Variants in OR51E1 observed in about 807,000 individuals in gnomAD.
OR51E1 encodes the protein olfactory receptor family 51 subfamily E member 1.
OR51E1 carries 9 observed loss-of-function variants against 11.5 expected under a neutral mutation model. The ratio of observed to expected loss-of-function variants is 0.78; its 90% confidence interval spans 0.47 to 1.37. The LOEUF (loss-of-function observed/expected upper bound fraction) is 1.37, where lower values mean the gene tolerates loss of function less well. Among genes scored for constraint, OR51E1 ranks in the 40% most tolerant of loss-of-function variants. The probability of loss-of-function intolerance (pLI) is 0.00; values close to 1 mark genes in which losing one functional copy is unlikely to be tolerated. For missense variants in OR51E1, 397 were observed against 410.2 expected, an observed-to-expected ratio of 0.97 and a Z score of 0.28; for synonymous variants, 168 against 158.3, an observed-to-expected ratio of 1.06 and a Z score of -0.46.
chr11:4,648,429 C>A (rs570207687), intron 1 of OR51E1, among the ~76,000 whole-genome samples: 3 of 152,260 alleles, frequency 2.0e-5, no homozygotes, highest in Non-Finnish European at 4.4e-5. Flanking sequence ...ATGTGTACTC[C>A]GATTTGGTTT....
intron 1 of OR51E1, among the ~76,000 whole-genome samples, chr11:4,652,172 A>G (rs1847106298): frequency 6.6e-6 from 1 of 152,202 alleles, no homozygotes; most frequent in Non-Finnish European, 1.5e-5. Context: ...TTTATCACCT[A>G]AGATTCTTTT....
chr11:4,648,566 T>C (rs1847056433), intron 1 of OR51E1, among the ~76,000 whole-genome samples: 1 of 152,210 alleles, frequency 6.6e-6, no homozygotes, highest in South Asian at 2.1e-4. Context: ...GCTCACCACA[T>C]CACTCTACCT....
At chr11:4,646,978 T>C (rs1847037966) in intron 1 of OR51E1, among the ~76,000 whole-genome samples, 2 of 152,140 alleles carry the variant, frequency 1.3e-5, no homozygotes, top group African/African-American at 2.4e-5. Flanking sequence ...ATAGAAAGGA[T>C]CCATAGTATT....
intron 1 of OR51E1, among the ~76,000 whole-genome samples, chr11:4,645,189 T>C (rs1847013871): frequency 6.6e-6 from 1 of 152,224 alleles, no homozygotes. Flanking sequence ...CCTCGTGTTA[T>C]ATGAGCTCCA....
intron 1 of OR51E1, among the ~76,000 whole-genome samples, 174 bp downstream of exon 1, chr11:4,644,204 G>A (rs1847000302): frequency 2.5e-5 from 1 of 40,634 alleles, no homozygotes; most frequent in Non-Finnish European, 8.6e-5. Context: ...CTAGGTTTGT[G>A]TGCTGAACAG....
intron 1 of OR51E1, among the ~76,000 whole-genome samples, chr11:4,647,339 A>C (rs542854412): frequency 6.6e-6 from 1 of 152,294 alleles, no homozygotes; most frequent in Admixed American, 6.5e-5. Context: ...CTAAGTTCTA[A>C]TTACTAACAG....
At position 4,652,703 on chromosome 11, in the gene OR51E1, T is replaced by G; in HGVS notation, c.177T>G (p.His59Gln). ...IYIVRTEHSL[H>Q]EPMYIFLCML... ...TTGTGCGGACTGAGCACAGCCTGCA[T>G]GAGCCCATGTATATATTTCTTTGCA... is the stretch of plus-strand genomic sequence containing the variant. The change falls in exon 2 of 2, where the codon CAT (histidine) becomes CAG (glutamine). Residue 59 changes from histidine to glutamine, a missense_variant. Transcript: ENST00000396952. 31 of 1,613,368 alleles carry G rather than the reference T, an allele frequency of 1.9e-5. No homozygotes were observed. The highest frequency in any genetic ancestry group is 4.0e-5 in the African/African-American group (3 of 75,036).
intron 1 of OR51E1, among the ~76,000 whole-genome samples, chr11:4,644,552 C>T (rs935071852): frequency 2.6e-5 from 4 of 152,002 alleles, no homozygotes; most frequent in African/African-American, 7.3e-5. Flanking sequence ...CTTCCTGGGG[C>T]TCCGATCTCA....
At chr11:4,649,210 A>G (rs1847064903) in intron 1 of OR51E1, among the ~76,000 whole-genome samples, 2 of 152,236 alleles carry the variant, frequency 1.3e-5, no homozygotes, top group Admixed American at 1.3e-4. Flanking sequence ...AAGAGGGTAA[A>G]TACTTTAAAA....
At position 4,655,464 on chromosome 11, in the gene OR51E1, T is replaced by C. The variant is rs972818372; in HGVS notation, c.*1981T>C. 6.1e-6 allele frequency: 1 copy of C among 164,268 alleles called. No individual in the cohort carries two copies. Among genetic ancestry groups the C allele is most frequent in the Non-Finnish European group, 1.5e-5 (1 of 68,098 alleles). 10.2% of individuals were successfully genotyped at this position (164,268 alleles called of 1,614,324 possible). A position where few individuals can be genotyped will look rare whatever the true frequency, so the allele number is the denominator to read the frequency against. The stretch of plus-strand genomic sequence containing the variant: ...GCAGTTGGATAAGTGAAAAATAAAG[T>C]ACTATTGTGTCAAGTCTCTGAAAAT... On this transcript the variant is annotated 3_prime_UTR_variant, in exon 2 of 2. Coordinates refer to ENST00000396952, the MANE Select transcript of OR51E1 (RefSeq NM_152430.4).
intron 1 of OR51E1, among the ~76,000 whole-genome samples, chr11:4,651,078 C>T (rs1847091028): frequency 6.6e-6 from 1 of 152,140 alleles, no homozygotes; most frequent in Non-Finnish European, 1.5e-5. Context: ...TCACTCTTAA[C>T]AGACACATAC....
At chr11:4,647,204 G>A (rs1272348157) in intron 1 of OR51E1, among the ~76,000 whole-genome samples, 2 of 152,174 alleles carry the variant, frequency 1.3e-5, no homozygotes, top group African/African-American at 4.8e-5. Flanking sequence ...TTTTGTAGGT[G>A]CTCAATAATC....
At chr11:4,646,621 T>C (rs985543842) in intron 1 of OR51E1, among the ~76,000 whole-genome samples, 8 of 152,132 alleles carry the variant, frequency 5.3e-5, no homozygotes, top group African/African-American at 1.7e-4. Context: ...TTAATCTCCA[T>C]TGTGGGGCCT....
In OR51E1 at chr11:4,652,568, C is replaced by G. The variant is rs1435212997; in HGVS notation, c.42C>G (p.Tyr14Ter). The change falls in exon 2 of 2, where the codon TAC becomes TAG. Residue 14 changes from tyrosine (Y) to a stop codon, truncating the protein, a stop_gained. Coordinates refer to ENST00000396952, the MANE Select transcript of OR51E1 (RefSeq NM_152430.4). LOFTEE classifies it high-confidence loss of function. ...ATGGCAATGAATCCAGTGCTACATACTTCATCCTAATAGGCCTCCCTGGTT... is the reference window on the plus strand; with the variant it reads ...ATGGCAATGAATCCAGTGCTACATAGTTCATCCTAATAGGCCTCCCTGGTT... Reference protein sequence around the residue: ...DPNGNESSATYFILIGLPGLE... With the variant: ...DPNGNESSAT 3.1e-6 allele frequency: 5 copies of G among 1,614,058 alleles called. No homozygotes were observed. The highest frequency in any genetic ancestry group is 4.2e-6 in the Non-Finnish European group (5 of 1,179,946).
intron 1 of OR51E1, among the ~76,000 whole-genome samples, chr11:4,650,521 G>C (rs535560506): frequency 1.2e-3 from 177 of 152,252 alleles, no homozygotes; most frequent in African/African-American, 3.7e-3. Context: ...CTCACCCTCT[G>C]TTCTACTATT....
chr11:4,645,130 G>A (rs562414896), intron 1 of OR51E1, among the ~76,000 whole-genome samples: 24 of 143,082 alleles, frequency 1.7e-4, no homozygotes, highest in East Asian at 6.0e-4. Flanking sequence ...TCTTTCTTTC[G>A]TGCCCTTATC....
rs80230217 is a variant in OR51E1, at chr11:4,651,001, C to T, written c.-39-1487C>T. On this transcript the variant is annotated intron_variant, in intron 1 of 1. Coordinates refer to ENST00000396952, the MANE Select transcript of OR51E1 (RefSeq NM_152430.4). Reference sequence around the variant, plus strand: ...TTTCAAGCATTGAAGATAAGGGCTACCCTATAGTAGGAGCACATGAATATT... The same window carrying T: ...TTTCAAGCATTGAAGATAAGGGCTATCCTATAGTAGGAGCACATGAATATT... Among the ~76,000 whole-genome samples, 107 of 151,782 alleles carry T rather than the reference C, an allele frequency of 7.0e-4. 2 individuals are homozygous for T. In the East Asian group the frequency reaches 0.019, roughly 27 times the overall value.
chr11:4,652,939 T>C lies in OR51E1; in HGVS notation c.413T>C (p.Val138Ala). 6.2e-7 allele frequency: 1 copy of C among 1,608,512 alleles called. No homozygotes were observed. Among genetic ancestry groups the C allele is most frequent in the South Asian group, 1.1e-5 (1 of 89,836 alleles). The change falls in exon 2 of 2, where the codon GTA (valine) becomes GCA (alanine). Residue 138 changes from valine to alanine, a missense_variant. Physicochemically the swap from Val to Ala is moderately conservative, Grantham distance 64. Coordinates refer to ENST00000396952, the MANE Select transcript of OR51E1 (RefSeq NM_152430.4). Reference protein sequence around the residue: ...AICHPLRHATVLTLPRVTKIG... With the variant: ...AICHPLRHATALTLPRVTKIG... ...TGTCACCCACTGCGCCATGCCACAG[T>C]ACTTACGTTGCCTCGTGTCACCAAA...
intron 1 of OR51E1, among the ~76,000 whole-genome samples, chr11:4,647,700 C>T (rs1505198): frequency 0.072 from 11,004 of 152,068 alleles, 953 homozygotes; most frequent in East Asian, 0.23. Flanking sequence ...GCTCCTGTTC[C>T]CCTATTCCTG....
Sources: allele counts gnomAD v4.1 joint callset (sites outside exome capture counted in the v4.1 genomes callset), GRCh38; gene constraint gnomAD v4.1.1; transcripts MANE v1.5; gene names NCBI Gene and HGNC (gene_info 2026-07-23, HGNC 2026-07-21).